The following LINGO2 variants were observed in gnomAD, a reference collection of about 807,000 sequenced individuals.
LINGO2 encodes the protein leucine rich repeat and Ig domain containing 2.
A neutral mutation model predicts 30.6 loss-of-function variants in LINGO2; 14 were observed. That is an observed-to-expected ratio of 0.46 (90% CI 0.30 to 0.72). The LOEUF (loss-of-function observed/expected upper bound fraction) is 0.72. Ranked by LOEUF, LINGO2 falls within the 30% of genes least tolerant of loss-of-function variation. LINGO2 has a pLI of 0.07. For missense variants in LINGO2, 729 were observed against 751.7 expected (o/e 0.97, Z 0.35); for synonymous variants, 317 against 288.5 (o/e 1.10, Z -1.00).
the LINGO2 span, among the ~76,000 whole-genome samples, chr9:28,914,948 A>G: frequency 1.3e-5 from 2 of 152,136 alleles, no homozygotes; most frequent in African/African-American, 2.4e-5. Flanking sequence ...CCTGGCCAAC[A>G]TGGTGAAACC....
At chr9:29,099,036 T>C in the LINGO2 span, among the ~76,000 whole-genome samples, 5 of 152,278 alleles carry the variant, frequency 3.3e-5, no homozygotes, top group East Asian at 7.7e-4. Context: ...AACAGATGCA[T>C]AGACCAGCGG....
At chr9:29,210,363 G>A in the LINGO2 span, among the ~76,000 whole-genome samples, 2 of 152,102 alleles carry the variant, frequency 1.3e-5, no homozygotes, top group African/African-American at 4.8e-5. Flanking sequence ...TTTTAGAGGT[G>A]TCTTTCAGAA....
chr9:28,806,995 CATTATT>C, the LINGO2 span, among the ~76,000 whole-genome samples: 5 of 151,002 alleles, frequency 3.3e-5, no homozygotes, highest in African/African-American at 9.7e-5. Flanking sequence ...ATGTGAAAAA[CATTATT>C]ATTATTATTT....
intron 1 of LINGO2, among the ~76,000 whole-genome samples, chr9:28,552,786 T>C (rs568288741): frequency 2.4e-4 from 36 of 151,892 alleles, no homozygotes; most frequent in Admixed American, 6.6e-4. Flanking sequence ...CTAATTTCAA[T>C]CTTAGACATT....
At chr9:28,125,630 C>T (rs1252612304) in intron 4 of LINGO2, among the ~76,000 whole-genome samples, 1 of 152,084 alleles carries the variant, frequency 6.6e-6, no homozygotes, top group African/African-American at 2.4e-5. Flanking sequence ...GGAGAGGTTT[C>T]AGTTCCAGAT....
chr9:28,157,272 C>T (rs1437483061), intron 4 of LINGO2, among the ~76,000 whole-genome samples: 1 of 152,208 alleles, frequency 6.6e-6, no homozygotes, highest in Non-Finnish European at 1.5e-5. Context: ...ACGCTCAACA[C>T]CATGTGGAAG....
chr9:28,514,702 G>A (rs1046201381), intron 1 of LINGO2, among the ~76,000 whole-genome samples: 7 of 152,090 alleles, frequency 4.6e-5, no homozygotes, highest in East Asian at 1.9e-4. Context: ...AAGTGCAAGC[G>A]GAAACATCAA....
chr9:28,726,750 G>A, the LINGO2 span, among the ~76,000 whole-genome samples: 7 of 152,278 alleles, frequency 4.6e-5, no homozygotes, highest in East Asian at 7.7e-4. Flanking sequence ...TAGATGTAGT[G>A]TAATTTACAT....
chr9:28,869,671 T>G, the LINGO2 span, among the ~76,000 whole-genome samples: 1 of 152,036 alleles, frequency 6.6e-6, no homozygotes, highest in Non-Finnish European at 1.5e-5. Flanking sequence ...GGCTAGTCCC[T>G]GTCTTCAAGG....
the LINGO2 span, among the ~76,000 whole-genome samples, chr9:28,879,608 G>C: frequency 1.3e-5 from 2 of 152,070 alleles, no homozygotes; most frequent in Non-Finnish European, 1.5e-5. Flanking sequence ...AGGCATTTCT[G>C]CCTCATTAGT....
intron 5 of LINGO2, among the ~76,000 whole-genome samples, chr9:27,994,861 C>G (rs1395527901): frequency 2.6e-5 from 4 of 152,172 alleles, no homozygotes; most frequent in Non-Finnish European, 4.4e-5. Context: ...GGCCCATTCC[C>G]TTAAGCAGCT....
At chr9:28,726,498 C>T in the LINGO2 span, among the ~76,000 whole-genome samples, 1 of 152,120 alleles carries the variant, frequency 6.6e-6, no homozygotes, top group African/African-American at 2.4e-5. Context: ...AATTAAATAA[C>T]ATTTATTAAC....
chr9:29,041,861 C>T, the LINGO2 span, among the ~76,000 whole-genome samples: 1 of 151,806 alleles, frequency 6.6e-6, no homozygotes, highest in African/African-American at 2.4e-5. Context: ...GATGAAAAGT[C>T]AAGATACAAA....
chr9:28,882,099 ACTTT>A, the LINGO2 span, among the ~76,000 whole-genome samples: 4 of 152,214 alleles, frequency 2.6e-5, no homozygotes, highest in Admixed American at 1.3e-4. Context: ...CAAAATCTGT[ACTTT>A]CTTTATGTTC....
intron 4 of LINGO2, among the ~76,000 whole-genome samples, chr9:28,032,982 A>T (rs1391946099): frequency 6.6e-6 from 1 of 152,202 alleles, no homozygotes; most frequent in African/African-American, 2.4e-5. Flanking sequence ...CTGATAATTT[A>T]TCCATATGAA....
chr9:28,433,702 A>G lies in LINGO2; in HGVS notation c.-279+42238T>C, dbSNP rs1055855869. On this transcript the variant is annotated intron_variant, in intron 2 of 5. Transcript: ENST00000379992. The stretch of plus-strand genomic sequence containing the variant: ...GGGAATGTACATTAGTACAACCACT[A>G]TGGAAAACAGTTTGGAGATTCCTTA... 9.9e-5 allele frequency among the ~76,000 whole-genome samples: 15 copies of G among 152,054 alleles called. 1 individual carries two copies. Among genetic ancestry groups the G allele is most frequent in the Non-Finnish European group, 2.2e-4 (15 of 67,972 alleles).
intron 1 of LINGO2, among the ~76,000 whole-genome samples, chr9:28,653,761 C>T (rs984965539): frequency 2.0e-5 from 3 of 151,900 alleles, no homozygotes; most frequent in Non-Finnish European, 2.9e-5. Context: ...TTGTTTTTTG[C>T]TGATCTTTAT....
At chr9:28,088,048 T>G (rs1250433760) in intron 4 of LINGO2, among the ~76,000 whole-genome samples, 1 of 152,008 alleles carries the variant, frequency 6.6e-6, no homozygotes. Context: ...AGGAACAGAT[T>G]TTGGAGTTCA....
intron 4 of LINGO2, among the ~76,000 whole-genome samples, chr9:28,042,079 A>G (rs1374488858): frequency 6.6e-6 from 1 of 152,220 alleles, no homozygotes; most frequent in Non-Finnish European, 1.5e-5. Flanking sequence ...ACCTACATAC[A>G]TACTTCTAAG....
Sources: allele counts gnomAD v4.1 joint callset (sites outside exome capture counted in the v4.1 genomes callset), GRCh38; gene constraint gnomAD v4.1.1; transcripts MANE v1.5; gene names NCBI Gene and HGNC (gene_info 2026-07-23, HGNC 2026-07-21).